NRXN3: variants seen among roughly 807,000 people sequenced by gnomAD.
The protein encoded by NRXN3 is neurexin 3.
A neutral mutation model predicts 137.6 loss-of-function variants in NRXN3; 32 were observed. The observed-to-expected ratio is 0.23, with a 90% CI of 0.18 to 0.31. The LOEUF is 0.31. Among genes scored for constraint, NRXN3 ranks in the 10% least tolerant of loss-of-function variants. NRXN3 has a pLI of 1.00. For missense variants in NRXN3, 1,574 were observed against 2,062.5 expected, an observed-to-expected ratio of 0.76 and a Z score of 4.59; for synonymous variants, 798 against 784.5, an observed-to-expected ratio of 1.02 and a Z score of -0.29.
chr14:78,459,572 C>T (rs1197933547), intron 4 of NRXN3, among the ~76,000 whole-genome samples: 3 of 152,112 alleles, frequency 2.0e-5, no homozygotes, highest in Non-Finnish European at 2.9e-5. Flanking sequence ...TGATGGGGGA[C>T]TTGTGGTGCA....
chr14:79,236,532 A>C (rs936253345), intron 15 of NRXN3, among the ~76,000 whole-genome samples: 4 of 152,134 alleles, frequency 2.6e-5, no homozygotes, highest in African/African-American at 9.7e-5. Flanking sequence ...ATTAAACTGA[A>C]TATTAACCAT....
intron 4 of NRXN3, among the ~76,000 whole-genome samples, chr14:78,310,765 T>C (rs1002946645): frequency 1.3e-5 from 2 of 152,112 alleles, no homozygotes; most frequent in African/African-American, 4.8e-5. Flanking sequence ...AGAGTACTGA[T>C]GTTAGTGTTT....
chr14:78,446,491 C>T (rs1295240448), intron 4 of NRXN3, among the ~76,000 whole-genome samples: 2 of 151,702 alleles, frequency 1.3e-5, no homozygotes, highest in Non-Finnish European at 2.9e-5. Context: ...TTCATACTTG[C>T]TATTATAGTT....
intron 4 of NRXN3, chr14:78,526,700 C>T (rs935206761): frequency 2.0e-5 from 10 of 509,406 alleles, no homozygotes; most frequent in South Asian, 7.3e-5. Context: ...TAAGCACTTT[C>T]GTGCATTATT....
rs540257014 is a variant in NRXN3, at chr14:78,507,701, G to A, written c.758-137419G>A. Among the ~76,000 whole-genome samples, 35 of 152,268 alleles carry A rather than the reference G, an allele frequency of 2.3e-4. 1 individual carries two copies. The South Asian group carries it at 6.8e-3, about 30-fold the overall frequency. ...GACTGTAATGAAAATGTGGCTGTTA[G>A]CCTCTAATTAAGATGTGTGTATATT... On this transcript the variant is annotated intron_variant, in intron 4 of 20. Coordinates refer to ENST00000335750, the MANE Select transcript of NRXN3 (RefSeq NM_001330195.2).
intron 18 of NRXN3, among the ~76,000 whole-genome samples, chr14:79,696,660 T>C (rs1329425152): frequency 6.6e-6 from 1 of 151,958 alleles, no homozygotes; most frequent in Non-Finnish European, 1.5e-5. Flanking sequence ...TTGGGTTTCA[T>C]TCTTCTAAAC....
At chr14:79,706,925 C>CACTCCACTCT (rs1440728992) in intron 19 of NRXN3, among the ~76,000 whole-genome samples, 2 of 152,248 alleles carry the variant, frequency 1.3e-5, no homozygotes, top group East Asian at 3.9e-4. Flanking sequence ...GGCCCCCTGG[C>CACTCCACTCT]ACTCCACTCT....
intron 4 of NRXN3, among the ~76,000 whole-genome samples, chr14:78,553,697 T>A (rs1566730594): frequency 6.6e-6 from 1 of 152,228 alleles, no homozygotes; most frequent in Non-Finnish European, 1.5e-5. Context: ...AGCTGCTTTG[T>A]CACAAGTCTT....
intron 19 of NRXN3, among the ~76,000 whole-genome samples, chr14:79,717,286 G>C (rs1254846822): frequency 6.6e-6 from 1 of 152,206 alleles, no homozygotes; most frequent in Admixed American, 6.5e-5. Context: ...GACTCCAAAA[G>C]AACCTTTTCT....
chr14:79,699,764 G>A, intron 19 of NRXN3, among the ~76,000 whole-genome samples: 1 of 151,916 alleles, frequency 6.6e-6, no homozygotes, highest in Non-Finnish European at 1.5e-5. Context: ...GCCTCTCTCT[G>A]GCATGTGTTT....
At chr14:78,975,522 C>T (rs975592994) in intron 14 of NRXN3, among the ~76,000 whole-genome samples, 6 of 152,128 alleles carry the variant, frequency 3.9e-5, no homozygotes, top group African/African-American at 1.4e-4. Context: ...CCCAAGGATG[C>T]TGTGAGGAGG....
chr14:78,679,504 T>G (rs951880895), intron 6 of NRXN3, among the ~76,000 whole-genome samples: 4 of 152,228 alleles, frequency 2.6e-5, no homozygotes, highest in Non-Finnish European at 1.5e-5. Context: ...GCTCTTCTCT[T>G]AATTAATTAA....
At chr14:79,574,933 C>T (rs1051060960) in intron 16 of NRXN3, among the ~76,000 whole-genome samples, 8 of 150,902 alleles carry the variant, frequency 5.3e-5, no homozygotes, top group Non-Finnish European at 1.2e-4. Context: ...AACCCCTAAA[C>T]TATGTGACAT....
intron 20 of NRXN3, among the ~76,000 whole-genome samples, chr14:79,845,130 C>T (rs2099364323): frequency 6.6e-6 from 1 of 152,126 alleles, no homozygotes; most frequent in African/African-American, 2.4e-5. Context: ...CCTCAGCCTT[C>T]ATAGAATTGA....
intron 16 of NRXN3, among the ~76,000 whole-genome samples, chr14:79,476,366 C>A (rs1600853529): frequency 6.6e-6 from 1 of 152,062 alleles, no homozygotes; most frequent in African/African-American, 2.4e-5. Flanking sequence ...ATTTCCTGGC[C>A]TGCGATGACA....
chr14:78,548,625 C>T (rs1003184015), intron 4 of NRXN3, among the ~76,000 whole-genome samples: 2 of 152,118 alleles, frequency 1.3e-5, no homozygotes, highest in African/African-American at 4.8e-5. Context: ...TCCGTTGCCC[C>T]CTCCCTTTTT....
At chr14:78,927,730 A>G (rs964629767) in intron 10 of NRXN3, among the ~76,000 whole-genome samples, 1 of 152,134 alleles carries the variant, frequency 6.6e-6, no homozygotes, top group African/African-American at 2.4e-5. Flanking sequence ...AGGATTACCT[A>G]TCTGAGAGAA....
At chr14:79,584,691 C>T (rs966186009) in intron 16 of NRXN3, among the ~76,000 whole-genome samples, 2 of 152,248 alleles carry the variant, frequency 1.3e-5, no homozygotes, top group Admixed American at 6.5e-5. Context: ...TAGTGCTCTG[C>T]GGGCTCAGCT....
chr14:78,820,995 C>T (rs147839821), intron 10 of NRXN3, among the ~76,000 whole-genome samples: 2 of 152,194 alleles, frequency 1.3e-5, no homozygotes, highest in African/African-American at 4.8e-5. Context: ...CATAAAATCT[C>T]AAGGTGATGA....
Sources: gnomAD v4.1 joint callset for allele counts (sites outside exome capture counted in the v4.1 genomes callset) on GRCh38, gnomAD v4.1.1 for gene constraint, MANE v1.5 for transcripts, NCBI Gene and HGNC (gene_info 2026-07-23, HGNC 2026-07-21) for gene names.